The following SHC1 variants were observed in gnomAD, a reference collection of about 807,000 sequenced individuals.
SHC1 encodes SHC-transforming protein 1.
Under a neutral mutation model 55.9 loss-of-function variants are expected in SHC1, and 30 were observed. The ratio of observed to expected loss-of-function variants is 0.54; its 90% CI spans 0.40 to 0.73. The LOEUF (loss-of-function observed/expected upper bound fraction) is 0.73, where lower values mean the gene tolerates loss of function less well. SHC1 is among the 30% of genes least tolerant of loss of function. The pLI, the probability that SHC1 is intolerant of heterozygous loss-of-function variation, is 0.00. For missense variants in SHC1, 675 were observed against 777.1 expected (o/e 0.87, Z 1.56); for synonymous variants, 309 against 306.1 (o/e 1.01, Z -0.10).
At position 154,970,735 on chromosome 1, in the gene SHC1, G is replaced by C; in HGVS notation, c.-209C>G. 2.0e-6 allele frequency: 1 copy of C among 492,930 alleles called. No individual in the cohort carries two copies. Among genetic ancestry groups the C allele is most frequent in the Non-Finnish European group, 3.6e-6 (1 of 280,306 alleles). 30.5% of individuals were successfully genotyped at this position (492,930 alleles called of 1,614,324 possible). Reference sequence around the variant, plus strand: ...TCAGGCCCCATCCCCGCCCAACGTGGAGCCTCTTCTCTGGCTGAGAAGAGA... The same window carrying C: ...TCAGGCCCCATCCCCGCCCAACGTGCAGCCTCTTCTCTGGCTGAGAAGAGA... On this transcript the variant is annotated 5_prime_UTR_variant, in exon 1 of 12. Coordinates refer to ENST00000448116, the MANE Select transcript of SHC1 (RefSeq NM_001130040.2). This position sits in a 1 kb window ranked among gnomAD's most constrained non-coding sequence, Gnocchi z 5.5.
chr1:154,966,609 T>C (rs1319895873), intron 7 of SHC1, 92 bp from the exon 8 acceptor site: 17 of 854,930 alleles, frequency 2.0e-5, no homozygotes, highest in Non-Finnish European at 3.1e-5. Flanking sequence ...CTATTGGGTA[T>C]TTACTATGGA....
rs746496655 is a variant in SHC1, at chr1:154,967,690, G to C, written c.964C>G (p.Leu322Val). ...GCTCACCTGTCATGAGGGGTGACCA[G>C]TTTGGGTGGGTTCCTGAGGTATTGT... ...FKQYLRNPPK[L>V]VTPHDRMAGF... The change falls in exon 7 of 12, where the codon CTG (leucine) becomes GTG (valine). Residue 322 changes from leucine (L) to valine (V), a missense_variant. Around this residue, in one of 3 missense-constraint regions of SHC1, gnomAD observed 360 missense variants for 371.1 expected, o/e 0.97. Coordinates refer to ENST00000448116, the MANE Select transcript of SHC1 (RefSeq NM_001130040.2). The C allele has an allele frequency of 2.5e-6, 4 of 1,613,894 alleles. No individual in the cohort carries two copies. The highest frequency in any genetic ancestry group is 3.4e-6 in the Non-Finnish European group (4 of 1,179,868).
At chr1:154,969,501 C>T in intron 1 of SHC1, 53 bp from the exon 2 acceptor site, 2 of 1,213,360 alleles carry the variant, frequency 1.6e-6, no homozygotes, top group Non-Finnish European at 2.4e-6. Context: ...ACCCCAGCCC[C>T]TTCACAAAGG....
intron 11 of SHC1, 159 bp downstream of exon 11, chr1:154,965,384 C>T (rs755278908): frequency 1.1e-5 from 17 of 1,604,932 alleles, no homozygotes; most frequent in African/African-American, 1.3e-5. Context: ...GGATGAGCCT[C>T]TGGAGGAAGA....
chr1:154,965,046 T>C (rs1276325580), intron 11 of SHC1, among the ~76,000 whole-genome samples: 1 of 151,974 alleles, frequency 6.6e-6, no homozygotes, highest in Non-Finnish European at 1.5e-5. Flanking sequence ...TTGTTTTGTT[T>C]TGTTTTTTCA....
In SHC1 at chr1:154,963,036, C is replaced by T. The variant is rs569756206; in HGVS notation, c.*767G>A. 33 of 152,926 alleles carry T rather than the reference C, an allele frequency of 2.2e-4. No homozygotes were observed. The highest frequency in any genetic ancestry group is 7.9e-4 in the African/African-American group (33 of 41,568). 9.5% of individuals were successfully genotyped at this position (152,926 alleles called of 1,614,324 possible). ...AAGGGCTGCACTTTGGCGTAGAGTA[C>T]ATAGGCATGCAACATGGGAGGGCAG... is the stretch of plus-strand genomic sequence containing the variant. On this transcript the variant is annotated 3_prime_UTR_variant, in exon 12 of 12. Transcript: ENST00000448116.
chr1:154,963,924 G>T lies in SHC1; in HGVS notation c.1634C>A (p.Thr545Asn). ...GACACTTTCAAAGCGGTGATCCTTA[G>T]TCCGAACCTGGGAGGGTGGGAAGGA... is the stretch of plus-strand genomic sequence containing the variant. ...LLVDPEGVVR[T>N]KDHRFESVSH... The change falls in exon 12 of 12, where the codon ACT becomes AAT. Residue 545 changes from threonine (T) to asparagine (N), a missense_variant. Physicochemically the swap from Thr to Asn is moderately conservative, Grantham distance 65 (BLOSUM62 0). Transcript: ENST00000448116. 6.2e-7 allele frequency: 1 copy of T among 1,614,130 alleles called. No homozygotes were observed. The highest frequency in any genetic ancestry group is 8.5e-7 in the Non-Finnish European group (1 of 1,179,990).
chr1:154,972,671 A>G (rs1261898753), upstream of SHC1, among the ~76,000 whole-genome samples: 1 of 152,314 alleles, frequency 6.6e-6, no homozygotes, highest in Admixed American at 6.5e-5. Context: ...TGAAATTTAC[A>G]TAGGGAGAAA....
In SHC1 at chr1:154,966,220, C is replaced by G; in HGVS notation, c.1194G>C (p.Gln398His). The G allele has an allele frequency of 6.2e-7, 1 of 1,614,140 alleles. No individual in the cohort carries two copies. Among genetic ancestry groups the G allele is most frequent in the Non-Finnish European group, 8.5e-7 (1 of 1,180,004 alleles). The change falls in exon 9 of 12, where the codon CAG becomes CAC. Residue 398 changes from glutamine (Q) to histidine (H), a missense_variant. Physicochemically the swap from Gln to His is conservative, Grantham distance 24 (BLOSUM62 0). Around this residue, in one of 3 missense-constraint regions of SHC1, gnomAD observed 360 missense variants for 371.1 expected, o/e 0.97. Coordinates refer to ENST00000448116, the MANE Select transcript of SHC1 (RefSeq NM_001130040.2). ...SHLGATLPVGQPVGGDPEVRK... is the reference protein window; with the variant it reads ...SHLGATLPVGHPVGGDPEVRK... ...GGACTTCTGGATCTCCCCCAACAGG[C>G]TGTCCTACAGGCTGCAGGGATAAAA...
rs754230579 is a variant in SHC1 at position 154,970,538 on chromosome 1, AAG to A, written c.-14_-13del. The A allele has an allele frequency of 5.7e-6, 9 of 1,586,840 alleles. No homozygotes were observed. Among genetic ancestry groups the A allele is most frequent in the African/African-American group, 2.7e-5 (2 of 73,572 alleles). On this transcript the variant is annotated 5_prime_UTR_variant, in exon 1 of 12. Coordinates refer to ENST00000448116, the MANE Select transcript of SHC1 (RefSeq NM_001130040.2). The surrounding 1 kb of genome is among the most constrained non-coding windows in gnomAD (Gnocchi z 5.5). ...GGCAGGAGATCCATAGTTGAGGTGA[AAG>A]AGGGGCTGCTGCCCAGCCTGGCCCC...
rs1282323647 is a variant in SHC1 at position 154,968,268 on chromosome 1, G to A, written c.751-11C>T. On this transcript the variant is annotated splice_polypyrimidine_tract_variant and intron_variant, in intron 4 of 11. Transcript: ENST00000448116. ...GTGGTTGGCGATGATCTGAGAATTA[G>A]GGCAGGGGATGAAGAAGGAAGGGAA... is the stretch of plus-strand genomic sequence containing the variant. The A allele has an allele frequency of 1.2e-6, 2 of 1,614,034 alleles. No individual in the cohort carries two copies. Among genetic ancestry groups the A allele is most frequent in the South Asian group, 2.2e-5 (2 of 91,078 alleles).
chr1:154,966,603 T>C (rs1039141651), intron 7 of SHC1, 86 bp from the exon 8 acceptor site: 3 of 918,272 alleles, frequency 3.3e-6, no homozygotes, highest in Non-Finnish European at 3.3e-6. Flanking sequence ...AGCCATCTAT[T>C]GGGTATTTAC....
rs182372877 is a variant in SHC1 at position 154,967,839 on chromosome 1, G to A, written c.857-42C>T. ...GGCTGTCAGTGAGCTGAGCCCACTG[G>A]GAGGAGGCACAGACAGGGGCCCTCA... On this transcript the variant is annotated intron_variant, in intron 6 of 11. Coordinates refer to ENST00000448116, the MANE Select transcript of SHC1 (RefSeq NM_001130040.2). The A allele has an allele frequency of 3.7e-6, 6 of 1,610,656 alleles. No individual in the cohort carries two copies. In the East Asian group the frequency reaches 6.7e-5, roughly 18 times the overall value.
chr1:154,970,500 C>T lies in SHC1; in HGVS notation c.27G>A (p.Lys9=). 6.2e-7 allele frequency: 1 copy of T among 1,610,910 alleles called. No homozygotes were observed. Residue 9 remains lysine (K), a synonymous_variant, in exon 1 of 12, where the codon AAG becomes AAA. Coordinates refer to ENST00000448116, the MANE Select transcript of SHC1 (RefSeq NM_001130040.2). This position sits in a 1 kb window ranked among gnomAD's most constrained non-coding sequence, Gnocchi z 5.5. MDLLPPKP[K]YNPLRNESLS... is the part of the protein sequence containing the mutation. ...GAGACTCATTCCGGAGTGGATTGTA[C>T]TTGGGCTTGGGGGGCAGGAGATCCA...
In SHC1 at chr1:154,965,797, G is replaced by A; in HGVS notation, c.1388-16C>T. The A allele has an allele frequency of 6.2e-7, 1 of 1,602,928 alleles. No individual in the cohort carries two copies. The highest frequency in any genetic ancestry group is 8.5e-7 in the Non-Finnish European group (1 of 1,171,542). ...TCGAAGGGCTCTGGAAGTATAGAGG[G>A]AGGGTGAGGGGAAGTAGCAGGCACA... On this transcript the variant is annotated splice_polypyrimidine_tract_variant and intron_variant, in intron 10 of 11. Coordinates refer to ENST00000448116, the MANE Select transcript of SHC1 (RefSeq NM_001130040.2).
rs954666192 is a variant in SHC1 at position 154,962,824 on chromosome 1, CTT to C, written c.*977_*978del. The C allele has an allele frequency of 6.5e-6, 1 of 152,766 alleles. No homozygotes were observed. The highest frequency in any genetic ancestry group is 2.4e-5 in the African/African-American group (1 of 41,456). 9.5% of individuals were successfully genotyped at this position (152,766 alleles called of 1,614,324 possible). Reference sequence around the variant, plus strand: ...AGCCCTAAAATATATGCATATAAAACTTTAAAAGAATGCAGTTCCAACTCTAC... The same window carrying C: ...AGCCCTAAAATATATGCATATAAAACTAAAAGAATGCAGTTCCAACTCTAC... On this transcript the variant is annotated 3_prime_UTR_variant, in exon 12 of 12. Coordinates refer to ENST00000448116, the MANE Select transcript of SHC1 (RefSeq NM_001130040.2).
chr1:154,968,629 A>C lies in SHC1; in HGVS notation c.631-15T>G, dbSNP rs185590314. On this transcript the variant is annotated splice_polypyrimidine_tract_variant and intron_variant, in intron 3 of 11. Coordinates refer to ENST00000448116, the MANE Select transcript of SHC1 (RefSeq NM_001130040.2). Reference sequence around the variant, plus strand: ...CGGCTACAGGGCTAAGGTAGGGCCCAGGGTCTCAGAAGGTGAGGGTTCCCA... The same window carrying C: ...CGGCTACAGGGCTAAGGTAGGGCCCCGGGTCTCAGAAGGTGAGGGTTCCCA... 176 of 1,614,008 alleles carry C rather than the reference A, an allele frequency of 1.1e-4. No homozygotes were observed. The African/African-American group carries it at 2.1e-3, about 19-fold the overall frequency.
Position 154,970,446 on chromosome 1 carries a change from C to A in SHC1, c.81G>T (p.Gly27=). ...SLSSLEEGAS[G]STPPEELPSP... The stretch of plus-strand genomic sequence containing the variant: ...AAGGCAGCTCCTCCGGGGGGGTGGA[C>A]CCAGAAGCCCCTTCCTCCAGCGATG... The change falls in exon 1 of 12, where the codon GGG becomes GGT. Residue 27 remains glycine (G), a synonymous_variant. Transcript: ENST00000448116. This position sits in a 1 kb window ranked among gnomAD's most constrained non-coding sequence, Gnocchi z 5.5. 1.2e-6 allele frequency: 2 copies of A among 1,611,256 alleles called. No homozygotes were observed. The highest frequency in any genetic ancestry group is 8.5e-7 in the Non-Finnish European group (1 of 1,179,060).
Position 154,963,798 on chromosome 1 carries a change from G to A in SHC1, c.*5C>T, listed in dbSNP as rs894396257. The A allele has an allele frequency of 4.3e-6, 7 of 1,613,456 alleles. No homozygotes were observed. The South Asian group carries it at 5.5e-5, about 13-fold the overall frequency. On this transcript the variant is annotated 3_prime_UTR_variant, in exon 12 of 12. Coordinates refer to ENST00000448116, the MANE Select transcript of SHC1 (RefSeq NM_001130040.2). ...GCATCTTCTGGAAGAGAGCGCTAGG[G>A]CAGATCACAGTTTCCGCTCCACAGG...
Sources: allele counts gnomAD v4.1 joint callset (sites outside exome capture counted in the v4.1 genomes callset), GRCh38; gene constraint gnomAD v4.1.1; regional missense constraint gnomAD v4.1.1; non-coding constraint Gnocchi (gnomAD v3.1); transcripts MANE v1.5; gene names NCBI Gene and HGNC (gene_info 2026-07-23, HGNC 2026-07-21).